ZBTB38: variants seen among roughly 807,000 people sequenced by gnomAD.
The protein encoded by ZBTB38 is zinc finger and BTB domain containing 38.
A neutral mutation model predicts 76.8 loss-of-function variants in ZBTB38; 20 were observed. That is an observed-to-expected ratio of 0.26 (90% CI 0.18 to 0.38). The LOEUF is 0.38. ZBTB38 is among the 10% of genes least tolerant of loss of function. ZBTB38 has a pLI of 1.00. For synonymous variants in ZBTB38, 504 were observed against 544.2 expected, an observed-to-expected ratio of 0.93 and a Z score of 1.03; for missense variants, 1,082 against 1,482.3, an observed-to-expected ratio of 0.73 and a Z score of 4.43.
At chr3:141,427,952 A>G (rs2076713053) in intron 5 of ZBTB38, 1 of 152,256 alleles carries the variant, frequency 6.6e-6, no homozygotes, top group African/African-American at 2.4e-5. Context: ...CAGATTAATT[A>G]CATGTCAGGC....
Position 141,446,615 on chromosome 3 carries a change from CCATA to C in ZBTB38, c.*640_*643del. On this transcript the variant is annotated 3_prime_UTR_variant, in exon 6 of 6. Coordinates refer to ENST00000321464, the MANE Select transcript of ZBTB38 (RefSeq NM_001376113.1). ...ATAAATCACTATAACTTTTAACTGT[CCATA>C]TCCCCTGTAGAGAATTATGAGGAGC... The C allele has an allele frequency of 6.6e-6, 1 of 152,622 alleles. No individual in the cohort carries two copies. Among genetic ancestry groups the C allele is most frequent in the Non-Finnish European group, 1.5e-5 (1 of 68,054 alleles). The allele number at this position is 152,622 out of a possible 1,614,324, so 9.5% of individuals were successfully genotyped here. A position where few individuals can be genotyped will look rare whatever the true frequency, so the allele number is the denominator to read the frequency against.
At chr3:141,418,497 C>G (rs1461634403) in intron 5 of ZBTB38, among the ~76,000 whole-genome samples, 1 of 152,208 alleles carries the variant, frequency 6.6e-6, no homozygotes, top group African/African-American at 2.4e-5. Context: ...GTGAAGCACT[C>G]TCATCATCAT....
At chr3:141,378,877 G>T (rs1049818400) in intron 2 of ZBTB38, among the ~76,000 whole-genome samples, 1 of 152,166 alleles carries the variant, frequency 6.6e-6, no homozygotes, top group Non-Finnish European at 1.5e-5. Context: ...ATGGTCTCAT[G>T]GTGAAAATCA....
chr3:141,380,486 A>G (rs1946049047), intron 2 of ZBTB38, among the ~76,000 whole-genome samples: 1 of 152,210 alleles, frequency 6.6e-6, no homozygotes, highest in Non-Finnish European at 1.5e-5. Flanking sequence ...TGAAGCAAGT[A>G]CTTTAACTTT....
chr3:141,381,667 T>C (rs1018216072), intron 3 of ZBTB38, among the ~76,000 whole-genome samples, 180 bp downstream of exon 3: 1 of 152,302 alleles, frequency 6.6e-6, no homozygotes, highest in East Asian at 1.9e-4. Context: ...TATTCCCAGG[T>C]AGGGTGGAGC....
chr3:141,342,076 C>T (rs1412865024), intron 1 of ZBTB38, among the ~76,000 whole-genome samples: 1 of 152,096 alleles, frequency 6.6e-6, no homozygotes. Context: ...CCTGTAATCC[C>T]AGCACTTTGA....
intron 5 of ZBTB38, chr3:141,426,064 C>A: frequency 9.0e-7 from 1 of 1,116,444 alleles, no homozygotes; most frequent in Non-Finnish European, 1.2e-6. Flanking sequence ...AATGATGTCA[C>A]AATGGGGACA....
chr3:141,433,453 T>G (rs1303006041), intron 5 of ZBTB38, among the ~76,000 whole-genome samples: 1 of 152,106 alleles, frequency 6.6e-6, no homozygotes, highest in African/African-American at 2.4e-5. Context: ...CTGTCAATAT[T>G]TACCATATTC....
intron 1 of ZBTB38, among the ~76,000 whole-genome samples, chr3:141,343,863 C>G (rs1033224364): frequency 6.6e-6 from 1 of 152,142 alleles, no homozygotes; most frequent in South Asian, 2.1e-4. Context: ...GAGACGTGTT[C>G]CATTTTGTAA....
At chr3:141,336,060 CAGTAGTGTGA>C in intron 1 of ZBTB38, among the ~76,000 whole-genome samples, 1 of 152,232 alleles carries the variant, frequency 6.6e-6, no homozygotes, top group Middle Eastern at 3.4e-3. Context: ...TTCTAAGAGC[CAGTAGTGTGA>C]AGCAGACTAC....
intron 5 of ZBTB38, among the ~76,000 whole-genome samples, chr3:141,441,032 C>CAAAAAAAAAAAAAA (rs202075469): frequency 1.5e-5 from 1 of 64,620 alleles, no homozygotes; most frequent in African/African-American, 5.0e-5. Flanking sequence ...GACTCAATCT[C>CAAAAAAAAAAAAAA]AAAAAAAAAA....
At chr3:141,325,278 C>T (rs1191364641) in intron 1 of ZBTB38, among the ~76,000 whole-genome samples, 2 of 152,134 alleles carry the variant, frequency 1.3e-5, no homozygotes, top group Non-Finnish European at 2.9e-5. Context: ...AATTGTGTGT[C>T]AAGGAAAAAC....
chr3:141,396,728 T>G (rs2149448533), intron 4 of ZBTB38, among the ~76,000 whole-genome samples: 1 of 152,388 alleles, frequency 6.6e-6, no homozygotes, highest in East Asian at 1.9e-4. Context: ...TTAGCAGGCA[T>G]GAAAACAACA....
chr3:141,416,800 C>T (rs751107937), intron 5 of ZBTB38, among the ~76,000 whole-genome samples: 3 of 152,110 alleles, frequency 2.0e-5, no homozygotes, highest in Non-Finnish European at 4.4e-5. Context: ...AGAGGATAAG[C>T]GTTACGCAGC....
Position 141,447,457 on chromosome 3 carries a change from C to T in ZBTB38, c.*1481C>T, listed in dbSNP as rs918676391. The T allele has an allele frequency of 4.6e-5, 7 of 152,530 alleles. No individual in the cohort carries two copies. The highest frequency in any genetic ancestry group is 7.2e-5 in the African/African-American group (3 of 41,406). The allele number at this position is 152,530 out of a possible 1,614,324, so 9.4% of individuals were successfully genotyped here. ...ACTACCCTCAAATCTAATTGCCCTA[C>T]AGCATATTCTATCATGTGGACTAGG... On this transcript the variant is annotated 3_prime_UTR_variant, in exon 6 of 6. Transcript: ENST00000321464.
chr3:141,432,313 C>T (rs1044130008), intron 5 of ZBTB38: 2 of 975,894 alleles, frequency 2.0e-6, no homozygotes, highest in Admixed American at 6.2e-5. Flanking sequence ...TTATAGAAGA[C>T]AACTTGCCAT....
chr3:141,325,115 T>C (rs1942633721), intron 1 of ZBTB38, among the ~76,000 whole-genome samples: 1 of 152,192 alleles, frequency 6.6e-6, no homozygotes, highest in Non-Finnish European at 1.5e-5. Flanking sequence ...CTGATCATGG[T>C]GGTGATAGAA....
intron 5 of ZBTB38, among the ~76,000 whole-genome samples, chr3:141,417,287 A>G (rs560482934): frequency 6.6e-6 from 1 of 152,154 alleles, no homozygotes; most frequent in African/African-American, 2.4e-5. Context: ...CTGAATCTTC[A>G]CCCCAGCTCC....
upstream of ZBTB38, among the ~76,000 whole-genome samples, chr3:141,364,068 A>C (rs1943890301): frequency 6.6e-6 from 1 of 151,720 alleles, no homozygotes; most frequent in South Asian, 2.1e-4. Context: ...ATATTGTAAA[A>C]TATATATCTG....
Sources: gnomAD v4.1 joint callset for allele counts (sites outside exome capture counted in the v4.1 genomes callset) on GRCh38, gnomAD v4.1.1 for gene constraint, MANE v1.5 for transcripts, NCBI Gene and HGNC (gene_info 2026-07-23, HGNC 2026-07-21) for gene names.